PACRG: variants seen among roughly 807,000 people sequenced by gnomAD.
PACRG encodes the protein parkin coregulated.
Under a neutral mutation model 29.7 loss-of-function variants are expected in PACRG, and 29 were observed. The observed-to-expected ratio is 0.98, with a 90% CI of 0.73 to 1.33. The LOEUF is 1.33. Ranked by LOEUF, PACRG falls within the 40% of genes most tolerant of loss-of-function variation. The pLI is 0.00. For missense variants in PACRG, 279 were observed against 316.2 expected (o/e 0.88, Z 0.89); for synonymous variants, 116 against 118.7 (o/e 0.98, Z 0.15).
intron 3 of PACRG, among the ~76,000 whole-genome samples, chr6:163,069,915 A>C (rs746845157): frequency 6.6e-6 from 1 of 152,194 alleles, no homozygotes; most frequent in Non-Finnish European, 1.5e-5. Context: ...TAAAAGCAGC[A>C]AGAGAAAATA....
At chr6:162,727,746 G>A (rs765761156), upstream of PACRG, 5 of 1,445,302 alleles carry the variant, frequency 3.5e-6, no homozygotes, top group Non-Finnish European at 3.8e-6. Flanking sequence ...TCCCACCAGC[G>A]GCTCTCCTGG....
At chr6:162,748,755 T>C (rs935929890) in intron 1 of PACRG, among the ~76,000 whole-genome samples, 2 of 152,202 alleles carry the variant, frequency 1.3e-5, no homozygotes, top group African/African-American at 4.8e-5. Context: ...TTAACCCTTT[T>C]TTATTTCAAA....
At chr6:162,733,190 A>T (rs1207575197) in intron 1 of PACRG, among the ~76,000 whole-genome samples, 2 of 152,238 alleles carry the variant, frequency 1.3e-5, no homozygotes, top group East Asian at 3.9e-4. Context: ...TGTGGCCAGC[A>T]AAATGCCAAC....
At chr6:163,307,346 G>T (rs1397392933) in intron 4 of PACRG, among the ~76,000 whole-genome samples, 1 of 152,284 alleles carries the variant, frequency 6.6e-6, no homozygotes, top group Admixed American at 6.5e-5. Context: ...ATCCAGCTGG[G>T]AATCGAGTGC....
At chr6:163,160,407 A>G (rs1174655358) in intron 4 of PACRG, among the ~76,000 whole-genome samples, 1 of 152,208 alleles carries the variant, frequency 6.6e-6, no homozygotes, top group Non-Finnish European at 1.5e-5. Context: ...TATTTAGTTT[A>G]CCACAGAGTT....
intron 2 of PACRG, among the ~76,000 whole-genome samples, chr6:163,039,474 C>T (rs1356362963): frequency 1.3e-5 from 2 of 152,154 alleles, no homozygotes; most frequent in African/African-American, 4.8e-5. Flanking sequence ...TTGGAGGACT[C>T]AGAAGAAGAG....
chr6:162,919,335 G>A (rs2151652), intron 2 of PACRG, among the ~76,000 whole-genome samples: 126,460 of 152,142 alleles, frequency 0.83, 52,697 homozygotes, highest in East Asian at 0.95. Flanking sequence ...CCAATGTCCA[G>A]GGTCCAGATA....
chr6:162,917,692 G>A (rs909233981), intron 2 of PACRG, among the ~76,000 whole-genome samples: 5 of 152,044 alleles, frequency 3.3e-5, no homozygotes, highest in Admixed American at 2.6e-4. Context: ...GTTGACATCT[G>A]GCTTTTGTTA....
intron 2 of PACRG, among the ~76,000 whole-genome samples, chr6:162,918,785 A>G (rs769399164): frequency 1.1e-4 from 16 of 152,228 alleles, no homozygotes; most frequent in African/African-American, 3.6e-4. Flanking sequence ...CTTAGGAAGT[A>G]AAGTCTTCTT....
chr6:162,849,234 TTTAA>T (rs1409900548), intron 2 of PACRG, among the ~76,000 whole-genome samples: 5 of 152,174 alleles, frequency 3.3e-5, no homozygotes, highest in Admixed American at 1.3e-4. Flanking sequence ...GTCGTTAAGC[TTTAA>T]TTAATCACAC....
intron 4 of PACRG, chr6:163,187,897 C>A (rs1173815873): frequency 2.0e-5 from 3 of 152,296 alleles, no homozygotes; most frequent in Non-Finnish European, 4.4e-5. Flanking sequence ...TTCTCCCAGT[C>A]CCCTTTATAT....
At chr6:163,017,703 G>C (rs573366734) in intron 2 of PACRG, among the ~76,000 whole-genome samples, 1 of 152,138 alleles carries the variant, frequency 6.6e-6, no homozygotes, top group Non-Finnish European at 1.5e-5. Flanking sequence ...GACGGACAGA[G>C]ATGGACATAA....
chr6:162,903,872 T>C (rs1010149828), intron 2 of PACRG, among the ~76,000 whole-genome samples: 1 of 152,162 alleles, frequency 6.6e-6, no homozygotes, highest in Non-Finnish European at 1.5e-5. Context: ...CCTGTATCAG[T>C]TGGGACATTC....
chr6:162,760,091 C>T (rs188339807), intron 1 of PACRG, among the ~76,000 whole-genome samples: 15 of 152,256 alleles, frequency 9.9e-5, no homozygotes, highest in African/African-American at 2.2e-4. Context: ...GCTTGGTACA[C>T]GAGAGCTCTT....
At chr6:163,075,965 CAA>C (rs1226116011) in intron 3 of PACRG, among the ~76,000 whole-genome samples, 1 of 152,200 alleles carries the variant, frequency 6.6e-6, no homozygotes, top group Non-Finnish European at 1.5e-5. Flanking sequence ...CCACAGGAAA[CAA>C]GAGCTCAGAA....
chr6:163,039,934 T>A (rs1181017474), intron 2 of PACRG, among the ~76,000 whole-genome samples: 1 of 152,236 alleles, frequency 6.6e-6, no homozygotes, highest in Admixed American at 6.5e-5. Context: ...TCAAGCTGGC[T>A]GCAGAAATGT....
intron 4 of PACRG, among the ~76,000 whole-genome samples, chr6:163,186,163 G>A (rs1192388418): frequency 6.6e-6 from 1 of 152,176 alleles, no homozygotes; most frequent in Non-Finnish European, 1.5e-5. Flanking sequence ...AGGGGGCTTC[G>A]TTGTGTGGCC....
At chr6:163,295,153 G>T (rs909577270) in intron 4 of PACRG, among the ~76,000 whole-genome samples, 1 of 152,200 alleles carries the variant, frequency 6.6e-6, no homozygotes, top group South Asian at 2.1e-4. Context: ...GCCAAAAATA[G>T]TTGAATATTG....
rs1404431062 is a variant in PACRG, at chr6:163,269,927, A to AG, written c.614-44900_614-44899insG. Among the ~76,000 whole-genome samples the AG allele has an allele frequency of 1.8e-4, 6 of 32,892 alleles. 3 individuals are homozygous for AG. Among genetic ancestry groups the AG allele is most frequent in the African/African-American group, 1.1e-3 (6 of 5,488 alleles). The allele number at this position is 32,892 out of a possible 152,430, so 21.6% of individuals were successfully genotyped here. A position where few individuals can be genotyped will look rare whatever the true frequency, so the allele number is the denominator to read the frequency against. On this transcript the variant is annotated intron_variant, in intron 4 of 4. Transcript: ENST00000366888. The stretch of plus-strand genomic sequence containing the variant: ...GAAAGAAAGAAAGAAAGAAAGAAAG[A>AG]AAACAAAGAAAGAAAGAAAGAAAGA...
Sources: gnomAD v4.1 joint callset for allele counts (sites outside exome capture counted in the v4.1 genomes callset) on GRCh38, gnomAD v4.1.1 for gene constraint, MANE v1.5 for transcripts, NCBI Gene and HGNC (gene_info 2026-07-23, HGNC 2026-07-21) for gene names.